CDK8: variants seen among roughly 807,000 people sequenced by gnomAD.
The protein encoded by CDK8 is cyclin-dependent kinase 8.
In CDK8, 29 loss-of-function variants were observed where a neutral mutation model predicts 71.5. The ratio of observed to expected loss-of-function variants is 0.41; its 90% CI spans 0.30 to 0.55. The LOEUF (loss-of-function observed/expected upper bound fraction) is 0.55, where lower values mean the gene tolerates loss of function less well. Ranked by LOEUF, CDK8 falls within the 20% of genes least tolerant of loss-of-function variation. The probability of loss-of-function intolerance (pLI) is 0.37; values close to 1 mark genes in which losing one functional copy is unlikely to be tolerated. For missense variants in CDK8, 288 were observed against 572.6 expected, an observed-to-expected ratio of 0.50 and a Z score of 5.07; for synonymous variants, 161 against 192.1, an observed-to-expected ratio of 0.84 and a Z score of 1.34.
At chr13:26,392,171 A>G (rs1014406100) in intron 6 of CDK8, among the ~76,000 whole-genome samples, 4 of 152,184 alleles carry the variant, frequency 2.6e-5, no homozygotes, top group Non-Finnish European at 5.9e-5. Context: ...AAATTGGCAA[A>G]TAGATCTTAC....
intron 1 of CDK8, among the ~76,000 whole-genome samples, chr13:26,301,076 T>A (rs1873804128): frequency 6.6e-6 from 1 of 152,160 alleles, no homozygotes; most frequent in Non-Finnish European, 1.5e-5. Flanking sequence ...TATTAGGTCT[T>A]CAACTGTTGG....
chr13:26,329,224 C>G (rs1875173356), intron 1 of CDK8, among the ~76,000 whole-genome samples: 1 of 152,128 alleles, frequency 6.6e-6, no homozygotes, highest in Non-Finnish European at 1.5e-5. Flanking sequence ...TTTACCAAAA[C>G]ACTGCTCAGT....
intron 4 of CDK8, among the ~76,000 whole-genome samples, chr13:26,363,691 A>G (rs1480125148): frequency 6.6e-6 from 1 of 152,072 alleles, no homozygotes; most frequent in Non-Finnish European, 1.5e-5. Flanking sequence ...TACTTTTTAA[A>G]TCTGATAGTG....
chr13:26,393,993 T>G (rs377334519), intron 7 of CDK8, among the ~76,000 whole-genome samples: 23 of 152,162 alleles, frequency 1.5e-4, no homozygotes, highest in Admixed American at 1.2e-3. Flanking sequence ...AGTCTTCTCT[T>G]AGAACAGTCA....
intron 4 of CDK8, among the ~76,000 whole-genome samples, chr13:26,355,880 C>T (rs564773409): frequency 6.6e-6 from 1 of 151,996 alleles, no homozygotes; most frequent in Non-Finnish European, 1.5e-5. Flanking sequence ...ACTTGAAATA[C>T]ATATGTATAT....
intron 1 of CDK8, among the ~76,000 whole-genome samples, chr13:26,323,725 C>T (rs992192643): frequency 1.3e-5 from 2 of 152,100 alleles, no homozygotes; most frequent in African/African-American, 4.8e-5. Context: ...GTGTAAATCT[C>T]ATTCCTTTAA....
intron 4 of CDK8, among the ~76,000 whole-genome samples, chr13:26,357,382 T>G (rs1276607646): frequency 3.3e-5 from 5 of 152,358 alleles, no homozygotes; most frequent in African/African-American, 1.2e-4. Flanking sequence ...ACCAAACTTT[T>G]TAGTTTTAGA....
At chr13:26,383,364 A>G (rs1290396415) in intron 5 of CDK8, among the ~76,000 whole-genome samples, 2 of 152,248 alleles carry the variant, frequency 1.3e-5, no homozygotes, top group Non-Finnish European at 2.9e-5. Flanking sequence ...ACTGTCTCGT[A>G]GTAGGCCTTT....
intron 1 of CDK8, among the ~76,000 whole-genome samples, chr13:26,326,931 T>C (rs1045093659): frequency 2.0e-5 from 3 of 152,202 alleles, no homozygotes; most frequent in African/African-American, 7.2e-5. Context: ...TCTAGTGGCA[T>C]ACAATACACA....
Position 26,292,196 on chromosome 13 carries a change from T to C in CDK8, c.128+37427T>C, listed in dbSNP as rs573041069. ...ATGTGTATATCAGTGGCTTAAACAA[T>C]GAAGACATTTTTTCCAGTCATCCAG... On this transcript the variant is annotated intron_variant, in intron 1 of 12. Coordinates refer to ENST00000381527, the MANE Select transcript of CDK8 (RefSeq NM_001260.3). Among the ~76,000 whole-genome samples, 137 of 152,276 alleles carry C rather than the reference T, an allele frequency of 9.0e-4. 1 individual carries two copies. Among genetic ancestry groups the C allele is most frequent in the African/African-American group, 3.2e-3 (132 of 41,566 alleles).
Position 26,338,856 on chromosome 13 carries a change from A to G in CDK8, c.204+1214A>G, listed in dbSNP as rs76189589. On this transcript the variant is annotated intron_variant, in intron 2 of 12. Transcript: ENST00000381527. Reference sequence around the variant, plus strand: ...AATACAGAGCTTCAGGGTGCTAGTAATGTTCTCTGATCTTGCACTGGGTCT... The same window carrying G: ...AATACAGAGCTTCAGGGTGCTAGTAGTGTTCTCTGATCTTGCACTGGGTCT... Among the ~76,000 whole-genome samples, 12 of 152,204 alleles carry G rather than the reference A, an allele frequency of 7.9e-5. No individual in the cohort carries two copies. The East Asian group carries it at 1.9e-3, about 24-fold the overall frequency.
intron 1 of CDK8, among the ~76,000 whole-genome samples, chr13:26,263,187 G>A (rs1175580053): frequency 6.6e-6 from 1 of 152,092 alleles, no homozygotes; most frequent in Non-Finnish European, 1.5e-5. Context: ...CCAGGCTGGA[G>A]TGCAATGGCG....
chr13:26,274,330 ATTTG>A (rs1248923748), intron 1 of CDK8, among the ~76,000 whole-genome samples: 2 of 151,980 alleles, frequency 1.3e-5, no homozygotes, highest in Admixed American at 1.3e-4. Flanking sequence ...TTTTATTTAC[ATTTG>A]TTTAACATTT....
chr13:26,362,278 G>A (rs1453540804), intron 4 of CDK8, among the ~76,000 whole-genome samples: 2 of 150,612 alleles, frequency 1.3e-5, no homozygotes, highest in Admixed American at 6.6e-5. Context: ...ATAGATAGAT[G>A]AATGACAGAG....
chr13:26,349,938 T>C (rs1202187965), intron 3 of CDK8, among the ~76,000 whole-genome samples: 1 of 152,224 alleles, frequency 6.6e-6, no homozygotes, highest in African/African-American at 2.4e-5. Flanking sequence ...ACCATATTGT[T>C]ACTGTACCTT....
At chr13:26,398,143 A>G (rs1876079887) in intron 9 of CDK8, among the ~76,000 whole-genome samples, 1 of 152,078 alleles carries the variant, frequency 6.6e-6, no homozygotes, top group Non-Finnish European at 1.5e-5. Flanking sequence ...TTCACATTTT[A>G]TATCATGTAT....
chr13:26,369,448 C>CAAAAAAAA (rs1162252506), intron 4 of CDK8, among the ~76,000 whole-genome samples: 2 of 46,662 alleles, frequency 4.3e-5, no homozygotes, highest in African/African-American at 8.9e-5. Context: ...GACCCTGTCT[C>CAAAAAAAA]AAAAAAAAAA....
chr13:26,338,855 A>C (rs1873102879), intron 2 of CDK8, among the ~76,000 whole-genome samples: 1 of 152,118 alleles, frequency 6.6e-6, no homozygotes, highest in African/African-American at 2.4e-5. Flanking sequence ...GGGTGCTAGT[A>C]ATGTTCTCTG....
At chr13:26,322,127 G>A (rs1388076585) in intron 1 of CDK8, among the ~76,000 whole-genome samples, 4 of 151,986 alleles carry the variant, frequency 2.6e-5, no homozygotes, top group African/African-American at 9.7e-5. Context: ...TTGGTGTTCC[G>A]GAAAGTTAGT....
Sources: gnomAD v4.1 joint callset for allele counts (sites outside exome capture counted in the v4.1 genomes callset) on GRCh38, gnomAD v4.1.1 for gene constraint, MANE v1.5 for transcripts, NCBI Gene and HGNC (gene_info 2026-07-23, HGNC 2026-07-21) for gene names.